The following MACF1 variants were observed in gnomAD, a reference collection of about 807,000 sequenced individuals.
MACF1 encodes microtubule-actin cross-linking factor 1.
Under a neutral mutation model 854.8 loss-of-function variants are expected in MACF1, and 193 were observed. The ratio of observed to expected loss-of-function variants is 0.23; its 90% CI spans 0.20 to 0.25. The LOEUF (loss-of-function observed/expected upper bound fraction) is 0.25. Ranked by LOEUF, MACF1 falls within the 10% of genes least tolerant of loss-of-function variation. The pLI is 1.00. For missense variants in MACF1, 7,722 were observed against 8,929.1 expected (o/e 0.86, Z 5.45); for synonymous variants, 3,185 against 3,226.7 (o/e 0.99, Z 0.44).
At position 39,442,132 on chromosome 1, in the gene MACF1, G is replaced by T; in HGVS notation, c.18775-15G>T. ...AGGCTTGATTTGATGTTAACATTGA[G>T]TGTGTCTTTGACAGGAGTTCAAAGT... On this transcript the variant is annotated splice_polypyrimidine_tract_variant and intron_variant, in intron 75 of 100. Coordinates refer to ENST00000564288, the MANE Select transcript of MACF1 (RefSeq NM_001394062.1). 6.3e-7 allele frequency: 1 copy of T among 1,589,318 alleles called. No homozygotes were observed. Among genetic ancestry groups the T allele is most frequent in the Non-Finnish European group, 8.5e-7 (1 of 1,170,072 alleles).
At chr1:39,385,093 G>A (rs562160663) in intron 56 of MACF1, among the ~76,000 whole-genome samples, 1 of 152,026 alleles carries the variant, frequency 6.6e-6, no homozygotes, top group Non-Finnish European at 1.5e-5. Context: ...TTGGAGACAA[G>A]GTCTCACTCT....
At chr1:39,363,995 C>G (rs562335598) in intron 49 of MACF1, among the ~76,000 whole-genome samples, 4 of 152,204 alleles carry the variant, frequency 2.6e-5, no homozygotes, top group Admixed American at 2.6e-4. Context: ...GTATTTTTTC[C>G]CATAATATTG....
rs139578945 is a variant in MACF1 at position 39,225,217 on chromosome 1, C to CTTTTTTTTTTTTTT, written c.110-5955_110-5954insTTTTTTTTTTTTTT. 5.6e-5 allele frequency among the ~76,000 whole-genome samples: 7 copies of CTTTTTTTTTTTTTT among 125,194 alleles called. 2 individuals carry two copies. The highest frequency in any genetic ancestry group is 4.9e-4 in the South Asian group (2 of 4,072). The allele number at this position is 125,194 out of a possible 152,430, so 82.1% of individuals were successfully genotyped here. On this transcript the variant is annotated intron_variant, in intron 1 of 100. Transcript: ENST00000564288. ...AACAAATAGCAAATTTTTCTTTTTT[C>CTTTTTTTTTTTTTT]TTTTTTTTTTGAGACGGAGTCTCGC...
At chr1:39,153,220 C>G (rs1643619120) in intron 2 of MACF1, among the ~76,000 whole-genome samples, 1 of 152,160 alleles carries the variant, frequency 6.6e-6, no homozygotes, top group Admixed American at 6.5e-5. Context: ...TACCTCTGAT[C>G]TTTTCCTAGG....
upstream of MACF1, among the ~76,000 whole-genome samples, chr1:39,200,105 TAG>T (rs947468708): frequency 6.6e-6 from 1 of 152,210 alleles, no homozygotes; most frequent in Non-Finnish European, 1.5e-5. Flanking sequence ...CTGCACTTGT[TAG>T]AGTCACCAGT....
chr1:39,295,933 GT>G (rs1425653805), intron 20 of MACF1, 51 bp downstream of exon 20: 2 of 1,521,338 alleles, frequency 1.3e-6, no homozygotes, highest in Admixed American at 3.5e-5. Flanking sequence ...TATGTTAAAG[GT>G]GAGGTTACAA....
intron 2 of MACF1, among the ~76,000 whole-genome samples, chr1:39,123,203 AT>A (rs10585991): frequency 0.019 from 2,123 of 111,796 alleles, 36 homozygotes; most frequent in African/African-American, 0.069. Context: ...ATATATATAA[AT>A]TTTTTTTTTT....
chr1:39,119,802 C>A (rs774624309), intron 2 of MACF1, among the ~76,000 whole-genome samples: 1 of 150,356 alleles, frequency 6.7e-6, no homozygotes, highest in Admixed American at 6.6e-5. Flanking sequence ...AATATATATT[C>A]TGTCCATTTC....
chr1:39,427,682 C>G, intron 62 of MACF1, 68 bp downstream of exon 62: 3 of 1,475,402 alleles, frequency 2.0e-6, no homozygotes, highest in Non-Finnish European at 2.8e-6. Context: ...GAGTAAACTG[C>G]CTGCAGCATT....
At chr1:39,317,034 T>C (rs1646424427) in intron 28 of MACF1, among the ~76,000 whole-genome samples, 180 bp from the exon 29 acceptor site, 1 of 152,226 alleles carries the variant, frequency 6.6e-6, no homozygotes, top group Non-Finnish European at 1.5e-5. Flanking sequence ...GGCATCCCAG[T>C]GTGTATCAGG....
At chr1:39,480,225 A>T (rs1256854728) in intron 98 of MACF1, 1 of 535,076 alleles carries the variant, frequency 1.9e-6, no homozygotes, top group Non-Finnish European at 3.3e-6. Context: ...TCCAAAGGAC[A>T]TTTATTAAAA....
In MACF1 at chr1:39,166,603, T is replaced by C. The variant is rs545711238; in HGVS notation, c.221-64579T>C. Among the ~76,000 whole-genome samples the C allele has an allele frequency of 2.0e-3, 303 of 151,356 alleles. 2 individuals carry two copies. The highest frequency in any genetic ancestry group is 7.1e-3 in the African/African-American group (293 of 41,260). On this transcript the variant is annotated intron_variant, in intron 2 of 93. Transcript: ENST00000361689. ...TCCTGAGTAGCTGGGATTTGCCCACTACCACACCTGGCTGATTTTTTGTAT... is the reference window on the plus strand; with the variant it reads ...TCCTGAGTAGCTGGGATTTGCCCACCACCACACCTGGCTGATTTTTTGTAT...
intron 96 of MACF1, 60 bp downstream of exon 96, chr1:39,468,792 A>T: frequency 7.0e-7 from 1 of 1,437,924 alleles, no homozygotes; most frequent in Non-Finnish European, 9.8e-7. Context: ...GTGATCTTTT[A>T]TGCTTACAGG....
At chr1:39,356,844 G>T (rs974407875) in intron 44 of MACF1, among the ~76,000 whole-genome samples, 1 of 152,092 alleles carries the variant, frequency 6.6e-6, no homozygotes, top group African/African-American at 2.4e-5. Flanking sequence ...ACGTCTTTTT[G>T]GTATTCACTT....
chr1:39,427,506 A>T lies in MACF1; in HGVS notation c.16368A>T (p.Thr5456=). The T allele has an allele frequency of 6.2e-7, 1 of 1,614,184 alleles. No homozygotes were observed. The highest frequency in any genetic ancestry group is 8.5e-7 in the Non-Finnish European group (1 of 1,180,016). ...TTCTGGCCAAACAGTTCCATGAGAC[A>T]GCTGAGCCTATTTCTGACTTCTTAT... The part of the protein sequence containing the change: ...ILVLAKQFHE[T]AEPISDFLSV... Residue 5456 remains threonine (T), a synonymous_variant, in exon 62 of 101, where the codon ACA becomes ACT. Coordinates refer to ENST00000564288, the MANE Select transcript of MACF1 (RefSeq NM_001394062.1).
At chr1:39,420,601 C>T (rs1165152719) in intron 58 of MACF1, among the ~76,000 whole-genome samples, 1 of 152,216 alleles carries the variant, frequency 6.6e-6, no homozygotes, top group African/African-American at 2.4e-5. Context: ...GGCTTTCCCT[C>T]CCTGGTAATC....
In MACF1 at chr1:39,340,706, G is replaced by A. The variant is rs1646917064; in HGVS notation, c.10420G>A (p.Glu3474Lys). ...GCTACTCCACTTCCAGAATGCTGTG[G>A]AAATAGAAAAGGTAGCATTTTGCTT... ...SRLLHFQNAV[E>K]IEKTKVLNQH... Residue 3474 changes from glutamate (E) to lysine (K), a missense_variant, in exon 39 of 101, where the codon GAA becomes AAA. Glu to Lys is a moderately conservative substitution (Grantham distance 56). This residue lies in a region of MACF1 where 854 missense variants were observed against 852.6 expected (regional missense o/e 1.00). Coordinates refer to ENST00000564288, the MANE Select transcript of MACF1 (RefSeq NM_001394062.1). The A allele has an allele frequency of 6.2e-7, 1 of 1,614,046 alleles. No individual in the cohort carries two copies. Among genetic ancestry groups the A allele is most frequent in the Admixed American group, 1.7e-5 (1 of 60,002 alleles).
intron 72 of MACF1, among the ~76,000 whole-genome samples, chr1:39,439,948 C>A (rs1169874642): frequency 6.6e-6 from 1 of 151,792 alleles, no homozygotes; most frequent in East Asian, 1.9e-4. Context: ...TTGAAAAAAA[C>A]CTGCTCATTA....
chr1:39,312,200 A>T (rs535139780), intron 26 of MACF1, among the ~76,000 whole-genome samples: 2 of 152,196 alleles, frequency 1.3e-5, no homozygotes, highest in Admixed American at 1.3e-4. Flanking sequence ...CTCCAGCCTG[A>T]GTGAAAGAGA....
Sources: gnomAD v4.1 joint callset for allele counts (sites outside exome capture counted in the v4.1 genomes callset) on GRCh38, gnomAD v4.1.1 for gene constraint, gnomAD v4.1.1 regional missense constraint, MANE v1.5 for transcripts, NCBI Gene and HGNC (gene_info 2026-07-23, HGNC 2026-07-21) for gene names.